The following C3orf22 variants were observed in gnomAD, a reference collection of about 807,000 sequenced individuals.
The protein encoded by C3orf22 is chromosome 3 open reading frame 22, also known as uncharacterized protein C3orf22.
A neutral mutation model predicts 10.8 loss-of-function variants in C3orf22; 7 were observed. That is an observed-to-expected ratio of 0.65 (90% CI 0.37 to 1.22). The LOEUF (loss-of-function observed/expected upper bound fraction) is 1.22. Ranked by LOEUF, C3orf22 falls within the 50% of genes most tolerant of loss-of-function variation. C3orf22 has a pLI of 0.02. For synonymous variants in C3orf22, 79 were observed against 78.9 expected, an observed-to-expected ratio of 1.00 and a Z score of 0.00; for missense variants, 173 against 177.0, an observed-to-expected ratio of 0.98 and a Z score of 0.13.
At chr3:126,529,228 G>A in exon 5 of C3orf22, 1 of 972,648 alleles carries the variant, frequency 1.0e-6, no homozygotes, top group Non-Finnish European at 1.4e-6. Flanking sequence ...GTTTCACCCG[G>A]TATCTTGATT....
At chr3:126,540,462 A>C (rs1936934955) in intron 4 of C3orf22, among the ~76,000 whole-genome samples, 1 of 152,084 alleles carries the variant, frequency 6.6e-6, no homozygotes, top group South Asian at 2.1e-4. Flanking sequence ...TGCTCTAGGG[A>C]CCTCACTAAG....
chr3:126,539,499 C>CA (rs1936877445), intron 4 of C3orf22, among the ~76,000 whole-genome samples: 1 of 147,858 alleles, frequency 6.8e-6, no homozygotes, highest in Non-Finnish European at 1.5e-5. Flanking sequence ...ATGTACCCCA[C>CA]ACCACACACA....
intron 4 of C3orf22, chr3:126,542,946 A>C (rs1937003675): frequency 1.2e-4 from 19 of 162,256 alleles, no homozygotes; most frequent in Non-Finnish European, 1.9e-4. Flanking sequence ...TCAGAACATA[A>C]TGCTGACACC....
chr3:126,528,646 G>A (rs1370139947), intron 5 of C3orf22, among the ~76,000 whole-genome samples: 2 of 152,150 alleles, frequency 1.3e-5, no homozygotes, highest in East Asian at 3.9e-4. Flanking sequence ...AGGTGGAAGT[G>A]GGGTCCGGAG....
At chr3:126,547,547 A>G (rs555594213), downstream of C3orf22, among the ~76,000 whole-genome samples, 2 of 152,228 alleles carry the variant, frequency 1.3e-5, no homozygotes, top group Non-Finnish European at 2.9e-5. Context: ...TGAGTTACCA[A>G]CTTTTTCTAC....
intron 4 of C3orf22, chr3:126,536,239 TG>T: frequency 6.3e-7 from 1 of 1,597,114 alleles, no homozygotes; most frequent in Non-Finnish European, 8.6e-7. Flanking sequence ...CCCTCTGATA[TG>T]GTGGCGACAT....
Position 126,537,574 on chromosome 3 carries a change from T to A in C3orf22, c.287-8202A>T, listed in dbSNP as rs113973048. Among the ~76,000 whole-genome samples the A allele has an allele frequency of 9.1e-4, 138 of 151,960 alleles. 1 individual carries two copies. Among genetic ancestry groups the A allele is most frequent in the African/African-American group, 3.2e-3 (134 of 41,440 alleles). ...GGTAGGGAGGCCTTCCTTCGCAGAG[T>A]GTGACTGACTGACTCTGGGCCACAC... On this transcript the variant is annotated intron_variant and NMD_transcript_variant, in intron 4 of 5. Transcript: ENST00000505070.
intron 4 of C3orf22, chr3:126,541,677 C>G: frequency 7.3e-7 from 1 of 1,371,374 alleles, no homozygotes; most frequent in South Asian, 1.6e-5. Flanking sequence ...GCGCCAGAGT[C>G]AGGGAGCCCG....
At chr3:126,546,589 G>A (rs536372902), downstream of C3orf22, among the ~76,000 whole-genome samples, 2 of 152,292 alleles carry the variant, frequency 1.3e-5, no homozygotes, top group South Asian at 4.2e-4. Flanking sequence ...CACACAGGGA[G>A]AAAGCAGCCA....
At chr3:126,556,684 ACACT>A (rs1332098867) in intron 1 of C3orf22, among the ~76,000 whole-genome samples, 20 of 151,180 alleles carry the variant, frequency 1.3e-4, no homozygotes, top group African/African-American at 4.9e-4. Context: ...ACAGACACAC[ACACT>A]CATTCTCACA....
chr3:126,556,191 A>C (rs1414365562), intron 1 of C3orf22, among the ~76,000 whole-genome samples: 1 of 152,140 alleles, frequency 6.6e-6, no homozygotes, highest in Non-Finnish European at 1.5e-5. Context: ...CCTCACCTCC[A>C]CACCTGGAGG....
intron 3 of C3orf22, among the ~76,000 whole-genome samples, chr3:126,551,586 G>A (rs1017162378): frequency 1.3e-5 from 2 of 152,220 alleles, no homozygotes; most frequent in Admixed American, 1.3e-4. Flanking sequence ...ACCCAGTGCA[G>A]AGGTCCCTGC....
At chr3:126,550,180 CA>C in intron 3 of C3orf22, 102 bp from the exon 4 acceptor site, 1 of 1,290,942 alleles carries the variant, frequency 7.7e-7, no homozygotes, top group Non-Finnish European at 1.1e-6. Flanking sequence ...GGGAGGGCTC[CA>C]ACTGAGATCT....
intron 5 of C3orf22, among the ~76,000 whole-genome samples, chr3:126,528,491 G>C (rs990772398): frequency 2.6e-5 from 4 of 152,194 alleles, no homozygotes; most frequent in Admixed American, 1.3e-4. Flanking sequence ...AGGGATTGCT[G>C]CAAGGAGTGA....
intron 1 of C3orf22, among the ~76,000 whole-genome samples, chr3:126,557,770 C>T (rs1367409688): frequency 1.3e-5 from 2 of 152,250 alleles, no homozygotes; most frequent in Non-Finnish European, 2.9e-5. Flanking sequence ...ACGACCTGTC[C>T]CTTGCCCGCA....
At chr3:126,544,598 A>G (rs1475690402) in intron 4 of C3orf22, among the ~76,000 whole-genome samples, 1 of 152,102 alleles carries the variant, frequency 6.6e-6, no homozygotes, top group African/African-American at 2.4e-5. Context: ...ACCCATTTTG[A>G]TGACACATGC....
downstream of C3orf22, among the ~76,000 whole-genome samples, chr3:126,547,605 C>CGA (rs1937090711): frequency 6.6e-6 from 1 of 152,212 alleles, no homozygotes; most frequent in African/African-American, 2.4e-5. Flanking sequence ...AGGCAGCCAG[C>CGA]GACCCCTCCT....
rs771449702 is a variant in C3orf22, at chr3:126,536,246, G to A, written c.287-6874C>T. 39 of 1,607,442 alleles carry A rather than the reference G, an allele frequency of 2.4e-5. 2 individuals are homozygous for A. The South Asian group carries it at 2.8e-4, about 11-fold the overall frequency. On this transcript the variant is annotated intron_variant and NMD_transcript_variant, in intron 4 of 5. Coordinates refer to the C3orf22 transcript ENST00000505070. ...ATGCAAGTCCCTCTGATATGGTGGC[G>A]ACATCTCTCTCCTTATGCCCACAGC...
At chr3:126,557,474 CATA>C (rs1271550898) in intron 1 of C3orf22, among the ~76,000 whole-genome samples, 3 of 152,182 alleles carry the variant, frequency 2.0e-5, no homozygotes, top group African/African-American at 7.2e-5. Context: ...GCAGTGATCC[CATA>C]ATGTGCCATG....
Sources: gnomAD v4.1 joint callset for allele counts (sites outside exome capture counted in the v4.1 genomes callset) on GRCh38, gnomAD v4.1.1 for gene constraint, MANE v1.5 for transcripts, NCBI Gene and HGNC (gene_info 2026-07-23, HGNC 2026-07-21) for gene names.